The following DESI2 variants were observed in gnomAD, a reference collection of about 807,000 sequenced individuals.
DESI2 encodes desumoylating isopeptidase 2.
In DESI2, 10 loss-of-function variants were observed where a neutral mutation model predicts 24.1. That is an observed-to-expected ratio of 0.41 (90% CI 0.26 to 0.70). The LOEUF is 0.70. DESI2 is among the 30% of genes least tolerant of loss of function. The pLI is 0.29. For missense variants in DESI2, 122 were observed against 234.9 expected (o/e 0.52, Z 3.14); for synonymous variants, 71 against 87.7 (o/e 0.81, Z 1.06).
At chr1:244,664,292 A>C (rs1055301406) in intron 1 of DESI2, among the ~76,000 whole-genome samples, 5 of 152,218 alleles carry the variant, frequency 3.3e-5, no homozygotes, top group African/African-American at 1.2e-4. Context: ...GTGTGTTGTA[A>C]ATATACTTAA....
intron 1 of DESI2, among the ~76,000 whole-genome samples, chr1:244,666,994 A>G (rs1558652890): frequency 6.6e-6 from 1 of 152,082 alleles, no homozygotes; most frequent in Admixed American, 6.6e-5. Context: ...CCCATGATTC[A>G]ATTACCTCCC....
At chr1:244,664,066 G>T (rs1355948003) in intron 1 of DESI2, among the ~76,000 whole-genome samples, 2 of 151,752 alleles carry the variant, frequency 1.3e-5, no homozygotes, top group Non-Finnish European at 2.9e-5. Flanking sequence ...CTTAACAATG[G>T]GGTGGTTACA....
rs1677676335 is a variant in DESI2 at position 244,705,830 on chromosome 1, C to T, written c.*41C>T. The T allele has an allele frequency of 5.0e-6, 7 of 1,399,830 alleles. No individual in the cohort carries two copies. The African/African-American group carries it at 7.1e-5, about 14-fold the overall frequency. The allele number at this position is 1,399,830 out of a possible 1,614,324, so 86.7% of individuals were successfully genotyped here. On this transcript the variant is annotated 3_prime_UTR_variant, in exon 5 of 5. Transcript: ENST00000302550. Reference sequence around the variant, plus strand: ...CACATTCAGAACTGTCTCTGGCAGTCGAATATCACTAGAGAAAAGTAAACA... The same window carrying T: ...CACATTCAGAACTGTCTCTGGCAGTTGAATATCACTAGAGAAAAGTAAACA...
intron 1 of DESI2, among the ~76,000 whole-genome samples, chr1:244,658,504 A>G (rs562898557): frequency 1.9e-4 from 29 of 152,272 alleles, no homozygotes; most frequent in African/African-American, 7.0e-4. Context: ...GCCTGTCTCC[A>G]TTACTGCGTA....
intron 1 of DESI2, among the ~76,000 whole-genome samples, chr1:244,661,108 C>G (rs1675824044): frequency 6.6e-6 from 1 of 152,168 alleles, no homozygotes; most frequent in Non-Finnish European, 1.5e-5. Context: ...TTTTGTGCAA[C>G]CAGTCTTCAG....
intron 1 of DESI2, among the ~76,000 whole-genome samples, chr1:244,655,794 A>T (rs182384133): frequency 4.8e-4 from 73 of 152,346 alleles, no homozygotes; most frequent in African/African-American, 1.7e-3. Flanking sequence ...TTTGGGAACT[A>T]TCAGCTGGTC....
At chr1:244,702,239 C>T (rs947726146) in intron 4 of DESI2, among the ~76,000 whole-genome samples, 2 of 152,150 alleles carry the variant, frequency 1.3e-5, no homozygotes, top group Non-Finnish European at 2.9e-5. Flanking sequence ...CTTGGCTGGG[C>T]ACGGTGGCTC....
intron 1 of DESI2, among the ~76,000 whole-genome samples, chr1:244,682,617 A>G (rs1558659900): frequency 6.6e-6 from 1 of 152,140 alleles, no homozygotes; most frequent in Admixed American, 6.5e-5. Context: ...ATCTTACACA[A>G]ACTTTTTCTG....
chr1:244,699,618 T>G (rs1424394243), intron 4 of DESI2, among the ~76,000 whole-genome samples: 3 of 120,872 alleles, frequency 2.5e-5, no homozygotes, highest in African/African-American at 9.6e-5. Context: ...AAAAAAAAAT[T>G]CTGTGAAAAC....
intron 1 of DESI2, among the ~76,000 whole-genome samples, chr1:244,682,767 G>C (rs999047342): frequency 6.6e-6 from 1 of 152,036 alleles, no homozygotes; most frequent in Non-Finnish European, 1.5e-5. Context: ...ACAGGCGGGG[G>C]GCCAGATTGG....
intron 1 of DESI2, among the ~76,000 whole-genome samples, chr1:244,657,936 A>G (rs1378845628): frequency 6.6e-6 from 1 of 152,150 alleles, no homozygotes; most frequent in Non-Finnish European, 1.5e-5. Context: ...GAGTAAGTGG[A>G]TATCTGGTGT....
At chr1:244,661,264 A>G (rs1181229778) in intron 1 of DESI2, among the ~76,000 whole-genome samples, 1 of 152,096 alleles carries the variant, frequency 6.6e-6, no homozygotes, top group East Asian at 1.9e-4. Context: ...GAAATAATAC[A>G]GTATTTATTT....
chr1:244,702,541 G>T (rs759908517), intron 4 of DESI2, among the ~76,000 whole-genome samples: 9 of 151,896 alleles, frequency 5.9e-5, no homozygotes, highest in Non-Finnish European at 1.2e-4. Context: ...ATAAATAAAT[G>T]GCTTGACCAA....
At chr1:244,660,805 C>T (rs71654529) in intron 1 of DESI2, among the ~76,000 whole-genome samples, 1,927 of 152,268 alleles carry the variant, frequency 0.013, 42 homozygotes, top group Non-Finnish European at 0.015. Context: ...GTGATGTCAT[C>T]CTTAATCATA....
chr1:244,694,488 C>T lies in DESI2; in HGVS notation c.351+2468C>T, dbSNP rs959014045. 14 of 783,080 alleles carry T rather than the reference C, an allele frequency of 1.8e-5. 1 individual carries two copies. The highest frequency in any genetic ancestry group is 6.9e-5 in the Admixed American group (4 of 58,016). 48.5% of individuals were successfully genotyped at this position (783,080 alleles called of 1,614,324 possible). On this transcript the variant is annotated intron_variant, in intron 4 of 4. Coordinates refer to ENST00000302550, the MANE Select transcript of DESI2 (RefSeq NM_016076.5). ...CTTGGGTTTAGGTGGTGTTCCTTCA[C>T]GGAATCTGTGCCTGAATCTGCGGTC...
chr1:244,697,975 G>A (rs751407063), intron 4 of DESI2, among the ~76,000 whole-genome samples: 10 of 152,142 alleles, frequency 6.6e-5, no homozygotes, highest in East Asian at 3.9e-4. Flanking sequence ...GGTCTCCTCC[G>A]CAACTGTAAT....
chr1:244,675,851 T>C (rs1445328350), intron 1 of DESI2, among the ~76,000 whole-genome samples: 1 of 152,186 alleles, frequency 6.6e-6, no homozygotes, highest in Non-Finnish European at 1.5e-5. Context: ...TCAGGTCAAC[T>C]TGGGAGAGTA....
chr1:244,688,528 ACTT>A (rs1676900185), intron 2 of DESI2, among the ~76,000 whole-genome samples: 1 of 152,222 alleles, frequency 6.6e-6, no homozygotes, highest in Non-Finnish European at 1.5e-5. Flanking sequence ...GTCTACTAAG[ACTT>A]AGCCACTGAA....
In DESI2 at chr1:244,707,841, T is replaced by C. The variant is rs1677771352; in HGVS notation, c.*2052T>C. The C allele has an allele frequency of 6.6e-6, 1 of 152,192 alleles. No homozygotes were observed. Among genetic ancestry groups the C allele is most frequent in the South Asian group, 2.1e-4 (1 of 4,832 alleles). The allele number at this position is 152,192 out of a possible 1,614,324, so 9.4% of individuals were successfully genotyped here. ...GTTATTTTGTTGTATTTACTTGCAT[T>C]TGTTGTATTTACTTTCATCTGCAGC... On this transcript the variant is annotated 3_prime_UTR_variant, in exon 5 of 5. Coordinates refer to ENST00000302550, the MANE Select transcript of DESI2 (RefSeq NM_016076.5).
Sources: allele counts gnomAD v4.1 joint callset (sites outside exome capture counted in the v4.1 genomes callset), GRCh38; gene constraint gnomAD v4.1.1; transcripts MANE v1.5; gene names NCBI Gene and HGNC (gene_info 2026-07-23, HGNC 2026-07-21).